The following TRPM3 variants were observed in gnomAD, a reference collection of about 807,000 sequenced individuals.
The protein encoded by TRPM3 is transient receptor potential cation channel subfamily M member 3.
A neutral mutation model predicts 181.2 loss-of-function variants in TRPM3; 77 were observed. That is an observed-to-expected ratio of 0.42 (90% CI 0.35 to 0.51). TRPM3 has a LOEUF of 0.51. TRPM3 is among the 20% of genes least tolerant of loss of function. TRPM3 has a pLI of 0.01. For missense variants in TRPM3, 1,759 were observed against 2,196.7 expected (o/e 0.80, Z 3.98); for synonymous variants, 745 against 796.4 (o/e 0.94, Z 1.09).
At chr9:71,390,526 A>G (rs1475513693) in intron 1 of TRPM3, among the ~76,000 whole-genome samples, 2 of 152,024 alleles carry the variant, frequency 1.3e-5, no homozygotes, top group South Asian at 4.1e-4. Flanking sequence ...TACCAGTTTC[A>G]TAAATAAGAA....
At chr9:70,945,150 A>G (rs751220680) in intron 1 of TRPM3, among the ~76,000 whole-genome samples, 1 of 152,204 alleles carries the variant, frequency 6.6e-6, no homozygotes, top group Non-Finnish European at 1.5e-5. Flanking sequence ...AAACACTGAG[A>G]TGGTAAGAAG....
intron 1 of TRPM3, among the ~76,000 whole-genome samples, chr9:70,886,585 C>T (rs2096086439): frequency 6.6e-6 from 1 of 152,144 alleles, no homozygotes; most frequent in African/African-American, 2.4e-5. Context: ...GTAAGGACTG[C>T]TGAGGAAGAA....
chr9:70,610,767 C>T lies in TRPM3; in HGVS notation c.2527-18G>A, dbSNP rs1434625142. Reference sequence around the variant, plus strand: ...AACATTGCCTATGTTGGAAGAGAATCGATACCATCATGACAGGGCTCTGGA... The same window carrying T: ...AACATTGCCTATGTTGGAAGAGAATTGATACCATCATGACAGGGCTCTGGA... On this transcript the variant is annotated intron_variant, in intron 18 of 25. Coordinates refer to ENST00000677713, the MANE Select transcript of TRPM3 (RefSeq NM_001366145.2). The T allele has an allele frequency of 2.5e-6, 4 of 1,613,468 alleles. No individual in the cohort carries two copies. The East Asian group carries it at 6.7e-5, about 27-fold the overall frequency.
chr9:71,344,504 G>A (rs1044686893), intron 1 of TRPM3, among the ~76,000 whole-genome samples: 1 of 151,942 alleles, frequency 6.6e-6, no homozygotes, highest in East Asian at 1.9e-4. Context: ...AAATCTACTA[G>A]GGAAAATGGA....
intron 22 of TRPM3, among the ~76,000 whole-genome samples, chr9:70,568,618 C>A (rs889012118): frequency 6.6e-6 from 1 of 152,162 alleles, no homozygotes; most frequent in African/African-American, 2.4e-5. Flanking sequence ...TTATTATGGC[C>A]ATTTTACAGA....
chr9:71,265,152 A>G (rs2083300070), intron 1 of TRPM3, among the ~76,000 whole-genome samples: 1 of 152,206 alleles, frequency 6.6e-6, no homozygotes, highest in Admixed American at 6.5e-5. Flanking sequence ...CAAAGAAAAA[A>G]CATAAAAGTT....
intron 1 of TRPM3, among the ~76,000 whole-genome samples, chr9:71,041,372 A>G (rs1699162660): frequency 6.6e-6 from 1 of 152,180 alleles, no homozygotes; most frequent in African/African-American, 2.4e-5. Context: ...AACTTAAAAC[A>G]AGTATTTTTC....
intron 1 of TRPM3, among the ~76,000 whole-genome samples, chr9:71,402,646 T>C (rs1340077821): frequency 2.6e-5 from 4 of 152,228 alleles, no homozygotes; most frequent in African/African-American, 7.2e-5. Flanking sequence ...AAACTGTTTA[T>C]ATTGCATCAT....
At chr9:70,921,545 C>A (rs1178225530) in intron 1 of TRPM3, among the ~76,000 whole-genome samples, 11 of 152,154 alleles carry the variant, frequency 7.2e-5, no homozygotes, top group Non-Finnish European at 1.6e-4. Flanking sequence ...TGACATTTCT[C>A]CACTGGGGAG....
At chr9:71,382,002 T>C (rs2092812272) in intron 1 of TRPM3, among the ~76,000 whole-genome samples, 1 of 152,132 alleles carries the variant, frequency 6.6e-6, no homozygotes, top group Non-Finnish European at 1.5e-5. Context: ...TATACTGTGG[T>C]ATATGCCAAG....
At chr9:71,060,924 T>C (rs1591077246) in intron 1 of TRPM3, among the ~76,000 whole-genome samples, 1 of 152,200 alleles carries the variant, frequency 6.6e-6, no homozygotes, top group East Asian at 1.9e-4. Context: ...ATTGTGTGCC[T>C]TCATTAATTG....
At chr9:71,151,559 A>T (rs1030027896) in intron 1 of TRPM3, among the ~76,000 whole-genome samples, 4 of 151,980 alleles carry the variant, frequency 2.6e-5, no homozygotes, top group South Asian at 2.1e-4. Flanking sequence ...CATCTTTATT[A>T]AAAAAAACAT....
chr9:70,544,026 C>A (rs2044224972), intron 25 of TRPM3, among the ~76,000 whole-genome samples: 1 of 152,128 alleles, frequency 6.6e-6, no homozygotes, highest in Non-Finnish European at 1.5e-5. Context: ...AGCAAAACAG[C>A]CCTGTGTGGG....
chr9:70,911,248 T>C (rs992808014), intron 1 of TRPM3, among the ~76,000 whole-genome samples: 1 of 152,224 alleles, frequency 6.6e-6, no homozygotes, highest in African/African-American at 2.4e-5. Flanking sequence ...GATTTTATTA[T>C]TTCAATTACT....
At chr9:71,375,614 C>A (rs2092647518) in intron 1 of TRPM3, among the ~76,000 whole-genome samples, 1 of 152,160 alleles carries the variant, frequency 6.6e-6, no homozygotes, top group African/African-American at 2.4e-5. Context: ...AAAGATTTTG[C>A]AAACTACCCA....
chr9:71,022,878 A>C (rs758254471), intron 1 of TRPM3, among the ~76,000 whole-genome samples: 138 of 152,278 alleles, frequency 9.1e-4, no homozygotes, highest in Non-Finnish European at 1.5e-3. Context: ...TATATATGTA[A>C]AATTTAAAAC....
intron 3 of TRPM3, among the ~76,000 whole-genome samples, chr9:70,862,354 G>A (rs1004387054): frequency 3.3e-5 from 5 of 152,140 alleles, no homozygotes; most frequent in Admixed American, 6.6e-5. Context: ...TGCTTTTTAT[G>A]TGGAATCTTC....
intron 11 of TRPM3, among the ~76,000 whole-genome samples, chr9:70,637,894 T>C (rs1048952407): frequency 2.6e-5 from 4 of 152,164 alleles, no homozygotes; most frequent in African/African-American, 9.7e-5. Flanking sequence ...CCAGAATTCA[T>C]GTTGAAAGTT....
chr9:70,801,027 C>T (rs2088843736), intron 6 of TRPM3, among the ~76,000 whole-genome samples: 1 of 152,200 alleles, frequency 6.6e-6, no homozygotes, highest in Non-Finnish European at 1.5e-5. Flanking sequence ...TGGTGCTCTA[C>T]TGAGTTGTCT....
Sources: allele counts gnomAD v4.1 joint callset (sites outside exome capture counted in the v4.1 genomes callset), GRCh38; gene constraint gnomAD v4.1.1; transcripts MANE v1.5; gene names NCBI Gene and HGNC (gene_info 2026-07-23, HGNC 2026-07-21).